The following OR56A3 variants were observed in gnomAD, a reference collection of about 807,000 sequenced individuals.
The protein encoded by OR56A3 is olfactory receptor family 56 subfamily A member 3, also known as olfactory receptor 56A3.
In OR56A3, 23 loss-of-function variants were observed where a neutral mutation model predicts 17.5. The observed-to-expected ratio is 1.32, with a 90% CI of 0.95 to 1.87. The LOEUF is 1.87. Among genes scored for constraint, OR56A3 ranks in the 40% most tolerant of loss-of-function variants. The pLI, the probability that OR56A3 is intolerant of heterozygous loss-of-function variation, is 0.00. For missense variants in OR56A3, 366 were observed against 380.1 expected (o/e 0.96, Z 0.31); for synonymous variants, 175 against 150.6 (o/e 1.16, Z -1.19).
At chr11:5,995,080 C>A in the OR56A3 span, 6 of 599,234 alleles carry the variant, frequency 1.0e-5, no homozygotes, top group Admixed American at 1.2e-4. Flanking sequence ...GCTGACTGGC[C>A]GGGTGCCATA....
the OR56A3 span, chr11:6,002,930 G>A: frequency 1.2e-6 from 2 of 1,613,908 alleles, no homozygotes; most frequent in Non-Finnish European, 1.7e-6. Context: ...TCTGGAAGTT[G>A]GGGAAGCAGA....
the OR56A3 span, among the ~76,000 whole-genome samples, chr11:5,991,190 G>A: frequency 2.0e-5 from 3 of 152,160 alleles, no homozygotes; most frequent in African/African-American, 7.2e-5. Flanking sequence ...TTGAGTAAAG[G>A]TAGCAAATCA....
chr11:5,971,145 C>G, the OR56A3 span, among the ~76,000 whole-genome samples: 1 of 152,116 alleles, frequency 6.6e-6, no homozygotes, highest in African/African-American at 2.4e-5. Flanking sequence ...CCTCTGGCCC[C>G]AAAGCCTGAC....
At chr11:6,009,489 C>A in the OR56A3 span, among the ~76,000 whole-genome samples, 13 of 152,204 alleles carry the variant, frequency 8.5e-5, no homozygotes, top group Admixed American at 3.3e-4. Flanking sequence ...CATGTGTATT[C>A]AAATTTAATA....
rs758432770 is a variant in OR56A3, at chr11:5,947,893, T to G, written c.547T>G (p.Cys183Gly). The change falls in exon 3 of 3, where the codon TGT becomes GGT. Residue 183 changes from cysteine (C) to glycine (G), a missense_variant. Cys to Gly is a radical substitution (Grantham distance 159, BLOSUM62 -3). Coordinates refer to ENST00000641160, the MANE Select transcript of OR56A3 (RefSeq NM_001003443.3). ...AAGAAATGTCATTGAGAACTGCATC[T>G]GTGCCAATATGTCTGTTTCCAGACT... ...CGRNVIENCI[C>G]ANMSVSRLSC... is the part of the protein sequence containing the mutation. 1 of 1,614,232 alleles carries G rather than the reference T, an allele frequency of 6.2e-7. No homozygotes were observed. The highest frequency in any genetic ancestry group is 1.7e-5 in the Admixed American group (1 of 60,028).
At chr11:5,967,871 G>C in the OR56A3 span, 1 of 1,575,602 alleles carries the variant, frequency 6.3e-7, no homozygotes, top group Non-Finnish European at 8.6e-7. Context: ...AGCCCAGCAG[G>C]GTCCAACCTA....
the OR56A3 span, chr11:5,986,607 G>C: frequency 2.2e-5 from 35 of 1,613,738 alleles, no homozygotes; most frequent in Non-Finnish European, 2.9e-5. Context: ...ACCCAATCTC[G>C]TGGGCATGAA....
At chr11:5,975,024 T>C in the OR56A3 span, among the ~76,000 whole-genome samples, 2 of 152,350 alleles carry the variant, frequency 1.3e-5, no homozygotes, top group Admixed American at 1.3e-4. Flanking sequence ...GGGAACCAAC[T>C]GTAAAATATA....
chr11:5,967,251 C>A, the OR56A3 span: 7 of 286,428 alleles, frequency 2.4e-5, no homozygotes, highest in African/African-American at 1.5e-4. Flanking sequence ...TTATATTTAT[C>A]CTTTGTTTGA....
chr11:5,958,164 A>G, the OR56A3 span, among the ~76,000 whole-genome samples: 2 of 152,192 alleles, frequency 1.3e-5, no homozygotes, highest in Non-Finnish European at 2.9e-5. Context: ...ATAGCCTATA[A>G]TCTTTTATTT....
At chr11:5,974,139 C>G in the OR56A3 span, among the ~76,000 whole-genome samples, 4 of 148,066 alleles carry the variant, frequency 2.7e-5, no homozygotes, top group African/African-American at 1.0e-4. Flanking sequence ...TGGAGTCTTG[C>G]CGTGTCACCC....
chr11:5,975,694 A>G, the OR56A3 span, among the ~76,000 whole-genome samples: 1 of 152,046 alleles, frequency 6.6e-6, no homozygotes, highest in African/African-American at 2.4e-5. Flanking sequence ...TTATAGCAGC[A>G]TGATTTATAG....
chr11:5,977,964 A>T, the OR56A3 span, among the ~76,000 whole-genome samples: 1 of 152,132 alleles, frequency 6.6e-6, no homozygotes, highest in Non-Finnish European at 1.5e-5. Context: ...GAATAGGGAA[A>T]CTTTCCCCCA....
the OR56A3 span, among the ~76,000 whole-genome samples, chr11:6,017,563 A>T: frequency 2.0e-5 from 3 of 152,258 alleles, no homozygotes; most frequent in Non-Finnish European, 4.4e-5. Context: ...CACCCTCATA[A>T]TTCAATCGCC....
At chr11:5,959,850 T>C in the OR56A3 span, among the ~76,000 whole-genome samples, 1 of 152,204 alleles carries the variant, frequency 6.6e-6, no homozygotes, top group Non-Finnish European at 1.5e-5. Flanking sequence ...TTGTAGATGG[T>C]GAGAGATAAG....
the OR56A3 span, among the ~76,000 whole-genome samples, chr11:6,007,748 T>G: frequency 6.6e-6 from 1 of 152,192 alleles, no homozygotes; most frequent in Non-Finnish European, 1.5e-5. Context: ...TCCTCAGCAC[T>G]GTAACTCTAG....
chr11:5,995,098 G>A, the OR56A3 span: 22 of 594,246 alleles, frequency 3.7e-5, no homozygotes, highest in Admixed American at 1.9e-4. Flanking sequence ...ATAGCTGGGC[G>A]GCTGGACGCA....
chr11:5,992,260 A>G, the OR56A3 span, among the ~76,000 whole-genome samples: 1 of 152,142 alleles, frequency 6.6e-6, no homozygotes, highest in Non-Finnish European at 1.5e-5. Flanking sequence ...GGCCAAAGAG[A>G]GAGCCCTCAC....
the OR56A3 span, among the ~76,000 whole-genome samples, chr11:6,005,428 A>G: frequency 5.3e-5 from 8 of 152,332 alleles, no homozygotes; most frequent in Non-Finnish European, 8.8e-5. Flanking sequence ...GGGAGAGTAG[A>G]GTGTCAAAAG....
Sources: allele counts gnomAD v4.1 joint callset (sites outside exome capture counted in the v4.1 genomes callset), GRCh38; gene constraint gnomAD v4.1.1; transcripts MANE v1.5; gene names NCBI Gene and HGNC (gene_info 2026-07-23, HGNC 2026-07-21).